Variants in FAM174C observed in about 807,000 individuals in gnomAD.
FAM174C encodes family with sequence similarity 174 member C.
A neutral mutation model predicts 12.3 loss-of-function variants in FAM174C; 19 were observed. The ratio of observed to expected loss-of-function variants is 1.55; its 90% CI spans 1.08 to 2.27. FAM174C has a LOEUF of 2.27. FAM174C is among the 30% of genes most tolerant of loss of function. The probability of loss-of-function intolerance (pLI) is 0.00; values close to 1 mark genes in which losing one functional copy is unlikely to be tolerated. For missense variants in FAM174C, 239 were observed against 190.2 expected (o/e 1.26, Z -1.51); for synonymous variants, 147 against 103.5 (o/e 1.42, Z -2.55).
rs1014144795 is a variant in FAM174C at position 1,278,811 on chromosome 19, A to G, written c.*34A>G. On this transcript the variant is annotated 3_prime_UTR_variant, in exon 3 of 3. Transcript: ENST00000409293. ...CAGGGAGGCGGCCCTTCCAGCAGCC[A>G]TGAGGGAAGGACAGGAGATGGGGCC... 14 of 1,612,868 alleles carry G rather than the reference A, an allele frequency of 8.7e-6. No homozygotes were observed. Among genetic ancestry groups the G allele is most frequent in the East Asian group, 2.2e-5 (1 of 44,896 alleles).
intron 1 of FAM174C, chr19:1,276,783 G>T: frequency 6.2e-6 from 1 of 162,020 alleles, no homozygotes; most frequent in Non-Finnish European, 1.4e-5. Flanking sequence ...TCCCCTGCCT[G>T]TATGCCGCGC....
chr19:1,277,095 A>C, intron 1 of FAM174C, 88 bp from the exon 2 acceptor site: 3 of 1,471,264 alleles, frequency 2.0e-6, no homozygotes, highest in South Asian at 1.3e-5. Flanking sequence ...TCGGGGCTCC[A>C]GTAGAGGACG....
At position 1,275,705 on chromosome 19, in the gene FAM174C, C is replaced by A. The variant is rs757857161; in HGVS notation, c.156C>A (p.Gly52=). Reference sequence around the variant, plus strand: ...CCGTGACGAACGGGAGCCAGCCGGGCGCGCCACACAACAGCACGCACACGC... The same window carrying A: ...CCGTGACGAACGGGAGCCAGCCGGGAGCGCCACACAACAGCACGCACACGC... ...PPAVTNGSQP[G]APHNSTHTRP... The change falls in exon 1 of 3, where the codon GGC becomes GGA. Residue 52 remains glycine, a synonymous_variant. Coordinates refer to ENST00000409293, the MANE Select transcript of FAM174C (RefSeq NM_017914.4). 2 of 1,489,630 alleles carry A rather than the reference C, an allele frequency of 1.3e-6. No homozygotes were observed. Among genetic ancestry groups the A allele is most frequent in the East Asian group, 5.6e-5 (2 of 35,460 alleles). 92.3% of individuals were successfully genotyped at this position (1,489,630 alleles called of 1,614,324 possible). A position where few individuals can be genotyped will look rare whatever the true frequency, so the allele number is the denominator to read the frequency against.
intron 2 of FAM174C, 57 bp downstream of exon 2, chr19:1,277,356 G>A: frequency 6.6e-7 from 1 of 1,518,926 alleles, no homozygotes; most frequent in South Asian, 1.2e-5. Flanking sequence ...TGGAGACTCA[G>A]CAGGACCCTG....
chr19:1,278,291 T>C (rs2081424403), intron 2 of FAM174C, among the ~76,000 whole-genome samples: 1 of 40,804 alleles, frequency 2.5e-5, no homozygotes, highest in African/African-American at 9.4e-5. Context: ...GCGGCCGGGC[T>C]GCGCAGATGC....
chr19:1,277,310 T>C lies in FAM174C; in HGVS notation c.398+11T>C. On this transcript the variant is annotated intron_variant, in intron 2 of 2. Coordinates refer to ENST00000409293, the MANE Select transcript of FAM174C (RefSeq NM_017914.4). Reference sequence around the variant, plus strand: ...CCGGAATCTGAGATGGTGTGCACCCTTCCCCAGCTCTGGGGCCTCGGTGGG... The same window carrying C: ...CCGGAATCTGAGATGGTGTGCACCCCTCCCCAGCTCTGGGGCCTCGGTGGG... The C allele has an allele frequency of 6.5e-7, 1 of 1,535,888 alleles. No individual in the cohort carries two copies. The highest frequency in any genetic ancestry group is 8.8e-7 in the Non-Finnish European group (1 of 1,134,854).
At position 1,275,753 on chromosome 19, in the gene FAM174C, G is replaced by C. The variant is rs1172740488; in HGVS notation, c.204G>C (p.Ser68=). Residue 68 remains serine (S), a synonymous_variant, in exon 1 of 3, where the codon TCG becomes TCC. Transcript: ENST00000409293. ...CGCGTCCGCCGGGGGCGTCGGGCTC[G>C]GCGCTGACGCGCTCCTTCTACGTGA... ...THTRPPGASG[S]ALTRSFYVIL... 3.3e-5 allele frequency: 51 copies of C among 1,535,524 alleles called. No homozygotes were observed. The highest frequency in any genetic ancestry group is 4.3e-5 in the Non-Finnish European group (49 of 1,144,696).
intron 1 of FAM174C, 31 bp downstream of exon 1, chr19:1,275,861 C>T (rs1431974131): frequency 5.9e-6 from 9 of 1,527,598 alleles, no homozygotes; most frequent in Non-Finnish European, 7.9e-6. Context: ...CGCCGTCTCT[C>T]AGCCTTGGCC....
chr19:1,275,841 C>T lies in FAM174C; in HGVS notation c.281+11C>T. On this transcript the variant is annotated intron_variant, in intron 1 of 2. Transcript: ENST00000409293. The stretch of plus-strand genomic sequence containing the variant: ...GATCCGGGCGTTTAGGTGCGTCAGG[C>T]GCACGTGGGCGCCGTCTCTCAGCCT... The T allele has an allele frequency of 6.5e-7, 1 of 1,534,404 alleles. No homozygotes were observed. The highest frequency in any genetic ancestry group is 8.7e-7 in the Non-Finnish European group (1 of 1,145,646).
At chr19:1,276,072 T>G in intron 1 of FAM174C, 1 of 520,310 alleles carries the variant, frequency 1.9e-6, no homozygotes, top group Non-Finnish European at 3.4e-6. Context: ...GCGCCGCCTC[T>G]TAACTCGGGG....
At position 1,279,054 on chromosome 19, in the gene FAM174C, GCCACCGC is replaced by G. The variant is rs1270722187; in HGVS notation, c.*281_*287del. The G allele has an allele frequency of 6.2e-7, 1 of 1,611,710 alleles. No homozygotes were observed. The highest frequency in any genetic ancestry group is 1.3e-5 in the African/African-American group (1 of 74,946). ...GGTGAAGACTGGAGGGACCCCAACA[GCCACCGC>G]CCAGGACGCTGAGGCTCCCTTGCCT... On this transcript the variant is annotated 3_prime_UTR_variant, in exon 3 of 3. Coordinates refer to ENST00000409293, the MANE Select transcript of FAM174C (RefSeq NM_017914.4).
In FAM174C at chr19:1,277,266, A is replaced by C; in HGVS notation, c.365A>C (p.Glu122Ala). The change falls in exon 2 of 3, where the codon GAG becomes GCG. Residue 122 changes from glutamate (E) to alanine (A), a missense_variant. Physicochemically the swap from Glu to Ala is moderately radical, Grantham distance 107. Transcript: ENST00000409293. ...GAGATGGCCTCGCTGGACAGCGACG[A>C]GGAGACGGTGTTTGAGTCCCGGAAT... is the stretch of plus-strand genomic sequence containing the variant. ...PTEMASLDSDEETVFESRNLR is the reference protein window; with the variant it reads ...PTEMASLDSDAETVFESRNLR 1 of 1,549,216 alleles carries C rather than the reference A, an allele frequency of 6.5e-7. No homozygotes were observed. The highest frequency in any genetic ancestry group is 8.7e-7 in the Non-Finnish European group (1 of 1,145,480).
intron 2 of FAM174C, 59 bp downstream of exon 2, chr19:1,277,358 A>G (rs1349625764): frequency 4.6e-6 from 7 of 1,518,228 alleles, no homozygotes; most frequent in East Asian, 2.5e-5. Flanking sequence ...GAGACTCAGC[A>G]GGACCCTGGG....
chr19:1,277,441 C>A (rs1182010070), intron 2 of FAM174C, 142 bp downstream of exon 2: 7 of 1,279,042 alleles, frequency 5.5e-6, no homozygotes, highest in African/African-American at 4.5e-5. Context: ...CCCCACTGGG[C>A]AGGGCTCATC....
rs199611946 is a variant in FAM174C at position 1,278,907 on chromosome 19, G to T, written c.*130G>T. 1.0e-4 allele frequency: 161 copies of T among 1,613,100 alleles called. No individual in the cohort carries two copies. The highest frequency in any genetic ancestry group is 1.2e-4 in the Non-Finnish European group (145 of 1,179,938). On this transcript the variant is annotated 3_prime_UTR_variant, in exon 3 of 3. Transcript: ENST00000409293. ...CTGGCCCCGGGGCTGGTCTCACCCA[G>T]TGCCAACCCGAGAGCTCCTTTTGGA...
intron 2 of FAM174C, among the ~76,000 whole-genome samples, chr19:1,278,435 C>G (rs999190003): frequency 3.9e-5 from 6 of 152,084 alleles, no homozygotes; most frequent in Non-Finnish European, 8.8e-5. Context: ...GGGTGGCAGG[C>G]ATGGAGGCTG....
Position 1,279,087 on chromosome 19 carries a change from G to A in FAM174C, c.*310G>A. 1 of 1,612,588 alleles carries A rather than the reference G, an allele frequency of 6.2e-7. No homozygotes were observed. The highest frequency in any genetic ancestry group is 1.3e-5 in the African/African-American group (1 of 75,062). On this transcript the variant is annotated 3_prime_UTR_variant, in exon 3 of 3. Coordinates refer to ENST00000409293, the MANE Select transcript of FAM174C (RefSeq NM_017914.4). ...CCAGGACGCTGAGGCTCCCTTGCCTGACTGTGACTTGTGCCTCTCTCCTGC... is the reference window on the plus strand; with the variant it reads ...CCAGGACGCTGAGGCTCCCTTGCCTAACTGTGACTTGTGCCTCTCTCCTGC...
At position 1,279,007 on chromosome 19, in the gene FAM174C, C is replaced by G. The variant is rs1476898878; in HGVS notation, c.*230C>G. The G allele has an allele frequency of 6.2e-7, 1 of 1,611,810 alleles. No individual in the cohort carries two copies. The highest frequency in any genetic ancestry group is 8.5e-7 in the Non-Finnish European group (1 of 1,179,944). ...TGCAGCCTCGCCTCCTGGATGCTGT[C>G]CCAGCCTGGCCGAGGGTCCCAGGTG... is the stretch of plus-strand genomic sequence containing the variant. On this transcript the variant is annotated 3_prime_UTR_variant, in exon 3 of 3. Transcript: ENST00000409293.
At chr19:1,278,661 C>G (rs2081426226) in intron 2 of FAM174C, 116 bp from the exon 3 acceptor site, 2 of 1,530,024 alleles carry the variant, frequency 1.3e-6, no homozygotes, top group Non-Finnish European at 1.8e-6. Flanking sequence ...AGGCTGGGCC[C>G]TGGTAGACCG....
Sources: gnomAD v4.1 joint callset for allele counts (sites outside exome capture counted in the v4.1 genomes callset) on GRCh38, gnomAD v4.1.1 for gene constraint, MANE v1.5 for transcripts, NCBI Gene and HGNC (gene_info 2026-07-23, HGNC 2026-07-21) for gene names.